The following SMYD3 variants were observed in gnomAD, a reference collection of about 807,000 sequenced individuals.
SMYD3 encodes SET and MYND domain containing 3, also known as histone-lysine N-methyltransferase SMYD3.
SMYD3 carries 36 observed loss-of-function variants against 57.7 expected under a neutral mutation model. That is an observed-to-expected ratio of 0.62 (90% confidence interval 0.48 to 0.82). The LOEUF is 0.82. Ranked by LOEUF, SMYD3 falls within the 40% of genes least tolerant of loss-of-function variation. The pLI is 0.00. For synonymous variants in SMYD3, 211 were observed against 195.0 expected, an observed-to-expected ratio of 1.08 and a Z score of -0.68; for missense variants, 515 against 538.8, an observed-to-expected ratio of 0.96 and a Z score of 0.44.
intron 5 of SMYD3, among the ~76,000 whole-genome samples, chr1:246,185,420 A>G (rs533603710): frequency 1.1e-4 from 14 of 126,164 alleles, no homozygotes; most frequent in Non-Finnish European, 2.1e-4. Context: ...TACTTTTAGT[A>G]GAGACAGGGT....
chr1:246,171,268 T>C (rs1264782035), intron 5 of SMYD3, among the ~76,000 whole-genome samples: 2 of 152,238 alleles, frequency 1.3e-5, no homozygotes, highest in Non-Finnish European at 2.9e-5. Context: ...ATCCTATCAA[T>C]TGTTTTTTAT....
chr1:245,798,426 CCACACACATACACACACATAAAAATATG>C (rs2047676912), intron 10 of SMYD3, among the ~76,000 whole-genome samples: 7 of 4,492 alleles, frequency 1.6e-3, no homozygotes, highest in African/African-American at 0.011. Flanking sequence ...ATACACACCC[CCACACACATACACACACATAAAAATATG>C]CACACACATA....
At chr1:246,412,728 G>A (rs147154179) in intron 1 of SMYD3, among the ~76,000 whole-genome samples, 4,342 of 151,858 alleles carry the variant, frequency 0.029, 104 homozygotes, top group Non-Finnish European at 0.043. Context: ...TGTGGTGGCC[G>A]GTGCCTGTAA....
chr1:245,954,360 G>T (rs1339056180), intron 5 of SMYD3, among the ~76,000 whole-genome samples: 1 of 152,132 alleles, frequency 6.6e-6, no homozygotes. Flanking sequence ...AGAAAAACAG[G>T]AAGAAAAGGG....
chr1:246,083,870 A>G (rs533840957), intron 5 of SMYD3, among the ~76,000 whole-genome samples: 2 of 152,332 alleles, frequency 1.3e-5, no homozygotes, highest in African/African-American at 2.4e-5. Context: ...CAAGAATCAT[A>G]TAACTCATTA....
intron 1 of SMYD3, among the ~76,000 whole-genome samples, chr1:246,391,129 T>C (rs908433187): frequency 1.3e-5 from 2 of 150,612 alleles, no homozygotes; most frequent in African/African-American, 4.9e-5. Context: ...CTCATGTCTA[T>C]AATTTCAACA....
chr1:246,078,691 C>T (rs1389458159), intron 5 of SMYD3, among the ~76,000 whole-genome samples: 1 of 152,124 alleles, frequency 6.6e-6, no homozygotes, highest in Non-Finnish European at 1.5e-5. Flanking sequence ...TTCAGCGACC[C>T]ATATAATGGT....
intron 10 of SMYD3, among the ~76,000 whole-genome samples, chr1:245,807,160 C>T (rs12038196): frequency 0.12 from 17,536 of 151,888 alleles, 1,296 homozygotes; most frequent in Middle Eastern, 0.23. Context: ...CTGCTGCAGG[C>T]GGGCTACAGT....
At chr1:246,367,043 T>C (rs572361426) in intron 1 of SMYD3, among the ~76,000 whole-genome samples, 1 of 152,082 alleles carries the variant, frequency 6.6e-6, no homozygotes, top group East Asian at 1.9e-4. Context: ...ACATAATTAA[T>C]TAGCAGTTTA....
At chr1:246,332,854 G>T (rs1178968765) in intron 3 of SMYD3, among the ~76,000 whole-genome samples, 1 of 152,192 alleles carries the variant, frequency 6.6e-6, no homozygotes, top group African/African-American at 2.4e-5. Context: ...AGGTGAAGCA[G>T]CAAGTGCTGA....
At chr1:245,906,329 G>A (rs149360541) in intron 8 of SMYD3, among the ~76,000 whole-genome samples, 5 of 152,138 alleles carry the variant, frequency 3.3e-5, no homozygotes, top group East Asian at 3.9e-4. Flanking sequence ...ATCAAAAGAC[G>A]GACAAAAGAT....
chr1:245,951,431 A>C (rs57115093), intron 5 of SMYD3, among the ~76,000 whole-genome samples: 3 of 137,276 alleles, frequency 2.2e-5, no homozygotes, highest in Admixed American at 7.0e-5. Flanking sequence ...TAGCTGGGCG[A>C]GGTGGTGCAC....
At chr1:245,820,741 T>A (rs1300052175) in intron 10 of SMYD3, among the ~76,000 whole-genome samples, 5 of 151,148 alleles carry the variant, frequency 3.3e-5, no homozygotes, top group Non-Finnish European at 1.5e-5. Context: ...AGCATTCTTA[T>A]ACACCAACAA....
chr1:246,162,792 C>T (rs2062144242), intron 5 of SMYD3, among the ~76,000 whole-genome samples: 1 of 152,192 alleles, frequency 6.6e-6, no homozygotes, highest in African/African-American at 2.4e-5. Context: ...TAATGAACAA[C>T]TCAGACTTAC....
intron 3 of SMYD3, among the ~76,000 whole-genome samples, chr1:246,331,975 T>A (rs200927552): frequency 2.6e-4 from 1 of 3,780 alleles, no homozygotes; most frequent in Non-Finnish European, 7.5e-4. Context: ...GCCGACCGGC[T>A]TATTCCCACT....
chr1:245,991,573 C>T (rs932182664), intron 5 of SMYD3, among the ~76,000 whole-genome samples: 3 of 152,222 alleles, frequency 2.0e-5, no homozygotes, highest in African/African-American at 7.2e-5. Context: ...CATCTAAGCT[C>T]ACTCCTGTGG....
intron 1 of SMYD3, among the ~76,000 whole-genome samples, chr1:246,377,315 TG>T (rs2066295812): frequency 6.6e-6 from 1 of 152,028 alleles, no homozygotes; most frequent in Non-Finnish European, 1.5e-5. Context: ...ATGTAGCTTC[TG>T]GAAGACCCAC....
chr1:246,454,299 A>G (rs1296489462), intron 1 of SMYD3, among the ~76,000 whole-genome samples: 2 of 152,190 alleles, frequency 1.3e-5, no homozygotes, highest in East Asian at 1.9e-4. Flanking sequence ...TGGAGTTGCT[A>G]CTATGGGCAC....
At position 245,952,844 on chromosome 1, in the gene SMYD3, A is replaced by G. The variant is rs536471056; in HGVS notation, c.532-22907T>C. ...AAAATGATGAGCCTGAACTCCCCAC[A>G]TACCCTCAAGTGCATACAGGGTTGT... On this transcript the variant is annotated intron_variant, in intron 5 of 11. Coordinates refer to ENST00000490107, the MANE Select transcript of SMYD3 (RefSeq NM_001167740.2). 1.6e-3 allele frequency among the ~76,000 whole-genome samples: 237 copies of G among 152,324 alleles called. 1 individual carries two copies. Among genetic ancestry groups the G allele is most frequent in the African/African-American group, 5.5e-3 (229 of 41,592 alleles).
Sources: gnomAD v4.1 joint callset for allele counts (sites outside exome capture counted in the v4.1 genomes callset) on GRCh38, gnomAD v4.1.1 for gene constraint, MANE v1.5 for transcripts, NCBI Gene and HGNC (gene_info 2026-07-23, HGNC 2026-07-21) for gene names.